Variants in CCSER1 observed in about 807,000 individuals in gnomAD.
CCSER1 encodes coiled-coil serine rich protein 1, also known as serine-rich coiled-coil domain-containing protein 1.
In CCSER1, 41 loss-of-function variants were observed where a neutral mutation model predicts 82.0. That is an observed-to-expected ratio of 0.50 (90% CI 0.39 to 0.65). The LOEUF (loss-of-function observed/expected upper bound fraction) is 0.65, where lower values mean the gene tolerates loss of function less well. Ranked by LOEUF, CCSER1 falls within the 30% of genes least tolerant of loss-of-function variation. The pLI is 0.00. For synonymous variants in CCSER1, 414 were observed against 383.9 expected, an observed-to-expected ratio of 1.08 and a Z score of -0.92; for missense variants, 1,119 against 1,064.2, an observed-to-expected ratio of 1.05 and a Z score of -0.72.
At chr4:90,816,672 C>T (rs1759062991) in intron 8 of CCSER1, among the ~76,000 whole-genome samples, 1 of 152,080 alleles carries the variant, frequency 6.6e-6, no homozygotes, top group South Asian at 2.1e-4. Context: ...ATAAGAGAGA[C>T]CCTGACTCAT....
At chr4:90,860,674 C>T (rs563475229) in intron 8 of CCSER1, among the ~76,000 whole-genome samples, 20 of 151,590 alleles carry the variant, frequency 1.3e-4, no homozygotes, top group South Asian at 4.1e-4. Flanking sequence ...TATATTCATA[C>T]GGTAAAACAT....
chr4:91,020,663 A>G (rs1406450849), intron 9 of CCSER1, among the ~76,000 whole-genome samples: 2 of 149,424 alleles, frequency 1.3e-5, no homozygotes, highest in Non-Finnish European at 3.0e-5. Flanking sequence ...CTCCGTCTCA[A>G]AAAAAAAAAA....
intron 8 of CCSER1, among the ~76,000 whole-genome samples, chr4:90,822,327 TG>T (rs1759845944): frequency 6.6e-6 from 1 of 152,204 alleles, no homozygotes; most frequent in Non-Finnish European, 1.5e-5. Context: ...TCTGAACTTT[TG>T]GGGTTTCTAC....
chr4:91,398,999 A>G (rs997427219), intron 10 of CCSER1, among the ~76,000 whole-genome samples: 1 of 151,950 alleles, frequency 6.6e-6, no homozygotes, highest in Non-Finnish European at 1.5e-5. Flanking sequence ...CTAGTAATAG[A>G]TAAAATTTTT....
chr4:91,433,821 T>TC (rs1754473931), intron 10 of CCSER1, among the ~76,000 whole-genome samples: 1 of 152,216 alleles, frequency 6.6e-6, no homozygotes, highest in Non-Finnish European at 1.5e-5. Flanking sequence ...TATCAAAGTG[T>TC]CCCAAGAGTC....
chr4:91,167,639 T>G (rs953528908), intron 10 of CCSER1, among the ~76,000 whole-genome samples: 4 of 152,218 alleles, frequency 2.6e-5, no homozygotes, highest in African/African-American at 7.2e-5. Context: ...TTTTCAATTA[T>G]GCAACTGTTT....
intron 10 of CCSER1, among the ~76,000 whole-genome samples, chr4:91,358,247 T>G (rs1748989424): frequency 6.6e-6 from 1 of 151,884 alleles, no homozygotes; most frequent in African/African-American, 2.4e-5. Flanking sequence ...GTACGGAAAC[T>G]GGTCTGGGTG....
chr4:90,775,735 T>C (rs1014386964), intron 7 of CCSER1, among the ~76,000 whole-genome samples: 29 of 152,202 alleles, frequency 1.9e-4, no homozygotes, highest in African/African-American at 6.5e-4. Context: ...CATTTATAAA[T>C]TTTTAGCTAA....
At chr4:90,396,358 A>C (rs572820328) in intron 3 of CCSER1, among the ~76,000 whole-genome samples, 1 of 152,074 alleles carries the variant, frequency 6.6e-6, no homozygotes, top group Non-Finnish European at 1.5e-5. Context: ...AGTTTTTTCT[A>C]TTCCTAGTAC....
intron 10 of CCSER1, among the ~76,000 whole-genome samples, chr4:91,309,169 A>T (rs1373983550): frequency 1.3e-5 from 2 of 152,018 alleles, no homozygotes; most frequent in African/African-American, 4.8e-5. Flanking sequence ...TCCTTTTTAG[A>T]TGATTACTCT....
chr4:90,754,928 T>A (rs1749248631), intron 7 of CCSER1, among the ~76,000 whole-genome samples: 1 of 152,126 alleles, frequency 6.6e-6, no homozygotes, highest in African/African-American at 2.4e-5. Flanking sequence ...AACATTCTGC[T>A]CCCCTTTCCT....
chr4:91,553,856 AAC>A (rs879605544), intron 10 of CCSER1, among the ~76,000 whole-genome samples: 101 of 150,832 alleles, frequency 6.7e-4, no homozygotes, highest in Middle Eastern at 3.4e-3. Flanking sequence ...TTTTAAAAAA[AAC>A]CAATATATTT....
At chr4:91,342,031 G>T (rs1158177105) in intron 10 of CCSER1, among the ~76,000 whole-genome samples, 1 of 151,926 alleles carries the variant, frequency 6.6e-6, no homozygotes, top group African/African-American at 2.4e-5. Flanking sequence ...CTAATCAGAG[G>T]GTAAAAGTTT....
At chr4:91,498,540 A>G (rs1759049377) in intron 10 of CCSER1, among the ~76,000 whole-genome samples, 1 of 151,780 alleles carries the variant, frequency 6.6e-6, no homozygotes, top group Non-Finnish European at 1.5e-5. Context: ...AAGTGTAATA[A>G]TAATTGATAA....
intron 1 of CCSER1, among the ~76,000 whole-genome samples, chr4:90,267,865 C>T (rs1228610768): frequency 6.6e-6 from 1 of 152,120 alleles, no homozygotes; most frequent in South Asian, 2.1e-4. Flanking sequence ...GAAAACCTTC[C>T]CAAGAAGGGT....
intron 8 of CCSER1, among the ~76,000 whole-genome samples, chr4:90,832,224 A>T (rs1343329688): frequency 6.6e-6 from 1 of 152,102 alleles, no homozygotes; most frequent in Admixed American, 6.5e-5. Flanking sequence ...TTATTTTTCA[A>T]GTTTTCTTTC....
chr4:91,055,704 C>T (rs1258629121), intron 9 of CCSER1, among the ~76,000 whole-genome samples: 4 of 151,758 alleles, frequency 2.6e-5, no homozygotes, highest in Non-Finnish European at 5.9e-5. Flanking sequence ...AATTTCTGGC[C>T]TTTATTTCTT....
rs561457816 is a variant in CCSER1 at position 90,276,750 on chromosome 4, G to A, written c.-41-31494G>A. 2.0e-5 allele frequency among the ~76,000 whole-genome samples: 3 copies of A among 152,272 alleles called. No homozygotes were observed. In the East Asian group the frequency reaches 5.8e-4, roughly 29 times the overall value. ...ACAACAGAGCTGTTATTGAAAAATA[G>A]ACGTCTTGGTTTCTTTTAACAGTGT... On this transcript the variant is annotated intron_variant, in intron 1 of 10. Coordinates refer to ENST00000509176, the MANE Select transcript of CCSER1 (RefSeq NM_001145065.2).
intron 10 of CCSER1, among the ~76,000 whole-genome samples, chr4:91,217,670 T>C (rs191348353): frequency 3.1e-4 from 47 of 152,298 alleles, no homozygotes; most frequent in African/African-American, 5.1e-4. Context: ...AGGGTGCTGA[T>C]TGGCATATTT....
Sources: allele counts gnomAD v4.1 joint callset (sites outside exome capture counted in the v4.1 genomes callset), GRCh38; gene constraint gnomAD v4.1.1; transcripts MANE v1.5; gene names NCBI Gene and HGNC (gene_info 2026-07-23, HGNC 2026-07-21).